KAZN: variants seen among roughly 807,000 people sequenced by gnomAD.
KAZN encodes kazrin.
Under a neutral mutation model 87.4 loss-of-function variants are expected in KAZN, and 40 were observed. The ratio of observed to expected loss-of-function variants is 0.46; its 90% CI spans 0.36 to 0.60. The LOEUF (loss-of-function observed/expected upper bound fraction) is 0.60, where lower values mean the gene tolerates loss of function less well. Ranked by LOEUF, KAZN falls within the 20% of genes least tolerant of loss-of-function variation. The probability of loss-of-function intolerance (pLI) is 0.00; values close to 1 mark genes in which losing one functional copy is unlikely to be tolerated. For missense variants in KAZN, 898 were observed against 1,073.9 expected (o/e 0.84, Z 2.29); for synonymous variants, 466 against 458.3 (o/e 1.02, Z -0.22).
At chr1:14,317,821 A>G (rs1230466718) in intron 2 of KAZN, among the ~76,000 whole-genome samples, 1 of 152,022 alleles carries the variant, frequency 6.6e-6, no homozygotes, top group Non-Finnish European at 1.5e-5. Context: ...TTGGTTTGCT[A>G]TACATCATTT....
intron 1 of KAZN, among the ~76,000 whole-genome samples, chr1:14,704,612 G>A (rs553659737): frequency 1.3e-3 from 199 of 152,310 alleles, no homozygotes; most frequent in African/African-American, 4.5e-3. Flanking sequence ...AGGACAGGCC[G>A]TGTGGACATG....
intron 1 of KAZN, among the ~76,000 whole-genome samples, chr1:13,929,461 G>T (rs1557727217): frequency 6.6e-6 from 1 of 152,170 alleles, no homozygotes; most frequent in Non-Finnish European, 1.5e-5. Context: ...CTGCAGCTCA[G>T]AAGCCTGCAG....
chr1:14,702,886 A>G (rs1393590759), intron 1 of KAZN, among the ~76,000 whole-genome samples: 1 of 152,184 alleles, frequency 6.6e-6, no homozygotes, highest in Non-Finnish European at 1.5e-5. Flanking sequence ...AATACCTGAG[A>G]TCTGTCCTAA....
intron 2 of KAZN, among the ~76,000 whole-genome samples, chr1:14,469,782 A>G (rs1668353114): frequency 6.6e-6 from 1 of 152,200 alleles, no homozygotes; most frequent in South Asian, 2.1e-4. Flanking sequence ...GGGTTGTTCA[A>G]CAAAATCTCT....
At chr1:14,022,110 A>T (rs571751785) in intron 1 of KAZN, among the ~76,000 whole-genome samples, 1 of 152,040 alleles carries the variant, frequency 6.6e-6, no homozygotes, top group African/African-American at 2.4e-5. Flanking sequence ...TTGAGTGGTG[A>T]TGAGGGTAGG....
rs1676812288 is a variant in KAZN at position 14,599,830 on chromosome 1, C to G, written c.226+607C>G. Among the ~76,000 whole-genome samples the G allele has an allele frequency of 6.6e-6, 1 of 152,110 alleles. No individual in the cohort carries two copies. The highest frequency in any genetic ancestry group is 1.9e-4 in the East Asian group (1 of 5,178). ...GAGTTTAAATTTCCGCAAATATAAACACCGAGAGCACTTTCCAGGGGGATA... is the reference window on the plus strand; with the variant it reads ...GAGTTTAAATTTCCGCAAATATAAAGACCGAGAGCACTTTCCAGGGGGATA... On this transcript the variant is annotated intron_variant, in intron 1 of 14. Transcript: ENST00000376030. The surrounding 1 kb of genome is among the most constrained non-coding windows in gnomAD (Gnocchi z 4.4).
chr1:14,513,466 G>T (rs939030073), intron 2 of KAZN, among the ~76,000 whole-genome samples: 2 of 152,180 alleles, frequency 1.3e-5, no homozygotes, highest in Non-Finnish European at 2.9e-5. Context: ...TGTGTTATGT[G>T]TACGAGTGTT....
chr1:14,598,204 G>C (rs1347875012), upstream of KAZN, among the ~76,000 whole-genome samples: 1 of 152,088 alleles, frequency 6.6e-6, no homozygotes, highest in East Asian at 1.9e-4. The surrounding 1 kb of genome is among the most constrained non-coding windows in gnomAD (Gnocchi z 4.2). Context: ...GGGGTGGAGA[G>C]TGAGAGGCAC....
At chr1:13,954,650 T>C (rs1641474870) in intron 1 of KAZN, among the ~76,000 whole-genome samples, 2 of 152,322 alleles carry the variant, frequency 1.3e-5, no homozygotes, top group South Asian at 2.1e-4. Flanking sequence ...ACATATTCTC[T>C]GAGGACAGCC....
At chr1:14,223,675 A>G (rs1647162503) in intron 2 of KAZN, among the ~76,000 whole-genome samples, 1 of 152,212 alleles carries the variant, frequency 6.6e-6, no homozygotes, top group Non-Finnish European at 1.5e-5. Context: ...TGCATAAATT[A>G]CAGTTAAGCT....
At chr1:14,464,079 C>T (rs765462399) in intron 2 of KAZN, among the ~76,000 whole-genome samples, 1 of 152,202 alleles carries the variant, frequency 6.6e-6, no homozygotes, top group Non-Finnish European at 1.5e-5. Context: ...AGTCCTGAGC[C>T]AGGAGGCAAA....
intron 1 of KAZN, among the ~76,000 whole-genome samples, chr1:14,639,323 A>G (rs2148672450): frequency 6.6e-6 from 1 of 152,320 alleles, no homozygotes; most frequent in Non-Finnish European, 1.5e-5. Context: ...AGCCCTCTCC[A>G]AGCGGGAAAC....
intron 2 of KAZN, among the ~76,000 whole-genome samples, chr1:14,202,402 C>T (rs1571004234): frequency 6.6e-6 from 1 of 152,314 alleles, no homozygotes; most frequent in East Asian, 1.9e-4. Context: ...AACCTGGTCT[C>T]GCCTGGTGTG....
chr1:14,943,007 G>GGTGTGTGTGTGT (rs58102946), intron 1 of KAZN, among the ~76,000 whole-genome samples: 2 of 100,846 alleles, frequency 2.0e-5, no homozygotes, highest in African/African-American at 4.4e-5. Flanking sequence ...GTGTGTGTGT[G>GGTGTGTGTGTGT]GTGTGTGTGT....
chr1:14,796,630 C>T (rs192555943), intron 1 of KAZN, among the ~76,000 whole-genome samples: 7 of 152,328 alleles, frequency 4.6e-5, no homozygotes, highest in Admixed American at 1.3e-4. Context: ...CTCTATGTAT[C>T]GCCGTATTTT....
chr1:14,297,942 T>C (rs1654251187), intron 2 of KAZN, among the ~76,000 whole-genome samples: 2 of 152,102 alleles, frequency 1.3e-5, no homozygotes, highest in Non-Finnish European at 1.5e-5. Context: ...ATTGGTTAAA[T>C]TGAAGCTGGG....
At chr1:13,899,896 G>T (rs6667925) in intron 1 of KAZN, among the ~76,000 whole-genome samples, 40,145 of 151,806 alleles carry the variant, frequency 0.26, 5,918 homozygotes, top group East Asian at 0.49. Context: ...TGCCTGCCTC[G>T]GCCTCCCAAA....
intron 2 of KAZN, among the ~76,000 whole-genome samples, chr1:14,258,976 G>A (rs1650792027): frequency 6.6e-6 from 1 of 152,174 alleles, no homozygotes. Context: ...TTGGAGGGAT[G>A]GAAAGAGGAG....
chr1:14,869,172 A>T (rs762958125), intron 1 of KAZN, among the ~76,000 whole-genome samples: 1 of 152,184 alleles, frequency 6.6e-6, no homozygotes, highest in Non-Finnish European at 1.5e-5. Flanking sequence ...TCCAGCTTCC[A>T]CCATCCCCTT....
Sources: gnomAD v4.1 joint callset for allele counts (sites outside exome capture counted in the v4.1 genomes callset) on GRCh38, gnomAD v4.1.1 for gene constraint, Gnocchi (gnomAD v3.1) non-coding constraint, MANE v1.5 for transcripts, NCBI Gene and HGNC (gene_info 2026-07-23, HGNC 2026-07-21) for gene names.